Variants in IL1RAPL2 observed in about 807,000 individuals in gnomAD.
IL1RAPL2 encodes the protein interleukin 1 receptor accessory protein like 2.
In IL1RAPL2, 3 loss-of-function variants were observed where a neutral mutation model predicts 44.1. The ratio of observed to expected loss-of-function variants is 0.07; its 90% CI spans 0.03 to 0.18. IL1RAPL2 has a LOEUF of 0.18. IL1RAPL2 is among the 10% of genes least tolerant of loss of function. The pLI is 1.00. For synonymous variants in IL1RAPL2, 181 were observed against 178.8 expected, an observed-to-expected ratio of 1.01 and a Z score of -0.10; for missense variants, 391 against 496.4, an observed-to-expected ratio of 0.79 and a Z score of 2.02.
intron 2 of IL1RAPL2, among the ~76,000 whole-genome samples, chrX:104,753,136 C>CT (rs34311371): frequency 8.7e-4 from 85 of 97,739 alleles, no homozygotes; most frequent in South Asian, 1.5e-3. Context: ...CCCACAATAT[C>CT]TTTTTTTTTT....
intron 2 of IL1RAPL2, among the ~76,000 whole-genome samples, chrX:105,167,035 C>T (rs924686631): frequency 8.9e-6 from 1 of 112,225 alleles, no homozygotes; most frequent in Non-Finnish European, 1.9e-5. Flanking sequence ...TCTTTGTCAT[C>T]GTTACTACTC....
chrX:105,415,631 G>A (rs933788766), intron 5 of IL1RAPL2, among the ~76,000 whole-genome samples: 2 of 110,648 alleles, frequency 1.8e-5, no homozygotes, highest in Non-Finnish European at 3.8e-5. Flanking sequence ...GCTTAAGCAC[G>A]GCCTTTCTTA....
intron 6 of IL1RAPL2, among the ~76,000 whole-genome samples, chrX:105,547,350 T>C (rs1156924): frequency 0.16 from 17,521 of 111,914 alleles, 3,327 homozygotes; most frequent in African/African-American, 0.54. Flanking sequence ...ATTACAATCA[T>C]AGATTCTGAA....
At chrX:104,869,567 A>G (rs1214487725) in intron 2 of IL1RAPL2, among the ~76,000 whole-genome samples, 1 of 109,653 alleles carries the variant, frequency 9.1e-6, no homozygotes, top group Non-Finnish European at 1.9e-5. Context: ...CTTTTTTTTC[A>G]TTATTATACT....
chrX:105,447,108 A>ATATATATATATAT (rs2035963967), intron 5 of IL1RAPL2, among the ~76,000 whole-genome samples: 2 of 20,587 alleles, frequency 9.7e-5, no homozygotes, highest in African/African-American at 4.7e-4. Flanking sequence ...TATATATATA[A>ATATATATATATAT]AAATATATAT....
intron 2 of IL1RAPL2, among the ~76,000 whole-genome samples, chrX:105,105,944 A>G (rs780728707): frequency 2.7e-5 from 3 of 111,460 alleles, no homozygotes; most frequent in Non-Finnish European, 5.6e-5. Flanking sequence ...TTCCTGGACG[A>G]TTTGTGGAAG....
At chrX:104,980,832 G>A (rs1487577617) in intron 2 of IL1RAPL2, among the ~76,000 whole-genome samples, 5 of 109,934 alleles carry the variant, frequency 4.5e-5, no homozygotes, top group Non-Finnish European at 9.6e-5. Flanking sequence ...TTTTAGAATA[G>A]TTTTTTTTTC....
At chrX:105,241,415 T>C (rs1453507689) in intron 4 of IL1RAPL2, among the ~76,000 whole-genome samples, 1 of 111,864 alleles carries the variant, frequency 8.9e-6, no homozygotes. Flanking sequence ...CTTTCTCCTG[T>C]AGTTTATTCA....
intron 2 of IL1RAPL2, among the ~76,000 whole-genome samples, chrX:104,814,664 C>T (rs1700905100): frequency 8.9e-6 from 1 of 112,120 alleles, no homozygotes; most frequent in Non-Finnish European, 1.9e-5. Flanking sequence ...GTCAACCTCC[C>T]TCAGTTGTCT....
chrX:105,385,901 G>A (rs768050636), intron 5 of IL1RAPL2, among the ~76,000 whole-genome samples: 5 of 111,625 alleles, frequency 4.5e-5, no homozygotes, highest in African/African-American at 1.3e-4. Flanking sequence ...CGTAGAAGGA[G>A]CAAAGGCTTT....
intron 1 of IL1RAPL2, among the ~76,000 whole-genome samples, chrX:104,600,460 TA>T (rs1276925367): frequency 1.8e-5 from 2 of 111,767 alleles, no homozygotes; most frequent in Non-Finnish European, 3.8e-5. Flanking sequence ...TCAGTTAACC[TA>T]GGTTTTAGAT....
intron 5 of IL1RAPL2, among the ~76,000 whole-genome samples, chrX:105,380,442 C>G (rs990053880): frequency 5.5e-4 from 61 of 110,553 alleles, no homozygotes; most frequent in African/African-American, 1.9e-3. Flanking sequence ...ATATAACATA[C>G]CTGATTGAAA....
chrX:105,063,439 G>A (rs2032099396), intron 2 of IL1RAPL2, among the ~76,000 whole-genome samples: 1 of 111,651 alleles, frequency 9.0e-6, no homozygotes, highest in African/African-American at 3.3e-5. Context: ...ATTTTGTGAG[G>A]TCATATTTTC....
chrX:105,713,943 C>A (rs779586351), intron 6 of IL1RAPL2, among the ~76,000 whole-genome samples: 136 of 110,700 alleles, frequency 1.2e-3, no homozygotes, highest in African/African-American at 4.3e-3. Context: ...CATCTCTTTG[C>A]TCTCATATCT....
At chrX:104,629,449 G>C (rs1479313514) in intron 1 of IL1RAPL2, among the ~76,000 whole-genome samples, 4 of 112,070 alleles carry the variant, frequency 3.6e-5, no homozygotes, top group African/African-American at 9.7e-5. Context: ...TTAGGGAATA[G>C]TTTGTAAATA....
At chrX:104,589,758 T>C (rs1928629135) in intron 1 of IL1RAPL2, among the ~76,000 whole-genome samples, 1 of 111,791 alleles carries the variant, frequency 8.9e-6, no homozygotes, top group Non-Finnish European at 1.9e-5. Flanking sequence ...GGGGCTAACC[T>C]GACACATTTT....
At chrX:105,388,219 A>C (rs909089253) in intron 5 of IL1RAPL2, among the ~76,000 whole-genome samples, 1 of 100,552 alleles carries the variant, frequency 9.9e-6, no homozygotes, top group Non-Finnish European at 2.0e-5. Context: ...CCGTTCTATG[A>C]AAGTGTGAAT....
intron 2 of IL1RAPL2, among the ~76,000 whole-genome samples, chrX:105,041,941 A>G (rs938348242): frequency 1.9e-4 from 21 of 110,845 alleles, no homozygotes; most frequent in Non-Finnish European, 3.2e-4. Flanking sequence ...CAATTATCTG[A>G]TCTTTGACAA....
chrX:105,291,964 G>C (rs1438309118), intron 5 of IL1RAPL2, among the ~76,000 whole-genome samples: 1 of 111,089 alleles, frequency 9.0e-6, no homozygotes, highest in East Asian at 2.8e-4. Flanking sequence ...TAATAAGCTG[G>C]TTCCTCAGGG....
Sources: allele counts gnomAD v4.1 joint callset (sites outside exome capture counted in the v4.1 genomes callset), GRCh38; gene constraint gnomAD v4.1.1; transcripts MANE v1.5; gene names NCBI Gene and HGNC (gene_info 2026-07-23, HGNC 2026-07-21).